Variants in TRIT1 observed in about 807,000 individuals in gnomAD.
TRIT1 encodes the protein tRNA isopentenyltransferase 1.
TRIT1 carries 43 observed loss-of-function variants against 51.2 expected under a neutral mutation model. The ratio of observed to expected loss-of-function variants is 0.84; its 90% CI spans 0.66 to 1.08. TRIT1 has a LOEUF of 1.08. Ranked by LOEUF, TRIT1 falls within the 50% of genes least tolerant of loss-of-function variation. The pLI, the probability that TRIT1 is intolerant of heterozygous loss-of-function variation, is 0.00. For missense variants in TRIT1, 528 were observed against 578.4 expected, an observed-to-expected ratio of 0.91 and a Z score of 0.89; for synonymous variants, 184 against 203.9, an observed-to-expected ratio of 0.90 and a Z score of 0.83.
Position 39,844,116 on chromosome 1 carries a change from C to T in TRIT1, c.1219G>A (p.Asp407Asn). 3 of 1,613,794 alleles carry T rather than the reference C, an allele frequency of 1.9e-6. No homozygotes were observed. Among genetic ancestry groups the T allele is most frequent in the Non-Finnish European group, 2.5e-6 (3 of 1,179,698 alleles). Residue 407 changes from aspartate to asparagine, a missense_variant, in exon 10 of 11, where the codon GAT (aspartate) becomes AAT (asparagine). This residue lies in a region of TRIT1 where 468 missense variants were observed against 522.6 expected (regional missense o/e 0.90). Coordinates refer to ENST00000316891, the MANE Select transcript of TRIT1 (RefSeq NM_017646.6). The part of the protein sequence containing the change: ...CDLCDRIIIG[D>N]REWAAHIKSK... The stretch of plus-strand genomic sequence containing the variant: ...CATACTCTACCTGCCCATTCGCGAT[C>T]CCCAATGATGATTCGATCACAGAGG...
intron 8 of TRIT1, among the ~76,000 whole-genome samples, chr1:39,845,326 C>G (rs1176670849): frequency 6.6e-6 from 1 of 152,230 alleles, no homozygotes; most frequent in Non-Finnish European, 1.5e-5. Flanking sequence ...TTTCACCCAC[C>G]TGAGCCAACC....
At chr1:39,873,299 T>A (rs1643939161) in intron 1 of TRIT1, among the ~76,000 whole-genome samples, 2 of 152,240 alleles carry the variant, frequency 1.3e-5, no homozygotes, top group Middle Eastern at 3.2e-3. Context: ...TACTTTGATA[T>A]GATCCAATGA....
chr1:39,845,830 G>A (rs932616823), intron 8 of TRIT1, among the ~76,000 whole-genome samples: 4 of 152,112 alleles, frequency 2.6e-5, no homozygotes, highest in Admixed American at 6.5e-5. Flanking sequence ...GGCCAATCAC[G>A]CACAGCTCCT....
At chr1:39,844,259 G>T (rs1393972275) in intron 9 of TRIT1, 41 bp from the exon 10 acceptor site, 1 of 1,473,760 alleles carries the variant, frequency 6.8e-7, no homozygotes, top group African/African-American at 1.4e-5. Context: ...AATTCAAAGA[G>T]ATCTGGATAT....
chr1:39,867,961 T>A (rs971540510), intron 1 of TRIT1, among the ~76,000 whole-genome samples: 1 of 151,988 alleles, frequency 6.6e-6, no homozygotes, highest in Non-Finnish European at 1.5e-5. Flanking sequence ...TTTTTTTTTT[T>A]CGAGATGGAG....
At chr1:39,862,756 G>T (rs934730612) in intron 1 of TRIT1, 69 of 984,534 alleles carry the variant, frequency 7.0e-5, no homozygotes, top group Non-Finnish European at 8.3e-5. Flanking sequence ...ACATTCACAT[G>T]TGAGATTTGT....
intron 4 of TRIT1, among the ~76,000 whole-genome samples, chr1:39,851,331 T>TG (rs1642556570): frequency 6.6e-6 from 1 of 152,156 alleles, no homozygotes; most frequent in African/African-American, 2.4e-5. Context: ...AACTCATTAC[T>TG]CGTTTAGACG....
intron 1 of TRIT1, among the ~76,000 whole-genome samples, chr1:39,861,341 C>A (rs1643233036): frequency 6.6e-6 from 1 of 152,028 alleles, no homozygotes; most frequent in South Asian, 2.1e-4. Context: ...CATAACGAGA[C>A]CCGATCTCTA....
chr1:39,851,771 C>T (rs1285040116), intron 4 of TRIT1, among the ~76,000 whole-genome samples: 1 of 151,134 alleles, frequency 6.6e-6, no homozygotes, highest in Non-Finnish European at 1.5e-5. Context: ...AGCAAAACAT[C>T]TCTAAAAAAA....
Position 39,852,788 on chromosome 1 carries a change from TG to T in TRIT1, c.502del (p.Gln168ArgfsTer52). On this transcript the variant is annotated frameshift_variant, in exon 4 of 11. Coordinates refer to ENST00000316891, the MANE Select transcript of TRIT1 (RefSeq NM_017646.6). LOFTEE classifies it high-confidence loss of function. ...CTTGGCAGCCATTTCTGGGTCCACC[TG>T]GCTTAGGCGTTTGTGAAGTACAAGA... Reference protein sequence around the residue: ...DGLVLHKRLSQVDPEMAAKLH... With the variant: ...DGLVLHKRLSXVDPEMAAKLH... 2 of 1,614,218 alleles carry T rather than the reference TG, an allele frequency of 1.2e-6. No homozygotes were observed. Among genetic ancestry groups the T allele is most frequent in the East Asian group, 4.5e-5 (2 of 44,894 alleles).
chr1:39,856,027 C>T (rs1245300977), intron 2 of TRIT1, among the ~76,000 whole-genome samples: 2 of 151,968 alleles, frequency 1.3e-5, no homozygotes, highest in Non-Finnish European at 2.9e-5. Context: ...AATAAAATAG[C>T]CGGGCATGGT....
rs779420318 is a variant in TRIT1, at chr1:39,847,591, C to G, written c.885G>C (p.Glu295Asp). ...TACTAGTCTCCAGTGTGCATTTTCC[C>G]TCAGTGATCAGGTACTCGTGAAATT... ...FKEFHEYLIT[E>D]GKCTLETSNQ... Residue 295 changes from glutamate (E) to aspartate (D), a missense_variant, in exon 7 of 11, where the codon GAG becomes GAC. Glu to Asp is a conservative substitution (Grantham distance 45). Coordinates refer to ENST00000316891, the MANE Select transcript of TRIT1 (RefSeq NM_017646.6). 3 of 1,614,182 alleles carry G rather than the reference C, an allele frequency of 1.9e-6. No homozygotes were observed. The South Asian group carries it at 3.3e-5, about 18-fold the overall frequency.
chr1:39,844,149 G>A lies in TRIT1; in HGVS notation c.1186C>T (p.Leu396=). 1.2e-6 allele frequency: 2 copies of A among 1,614,172 alleles called. No homozygotes were observed. Among genetic ancestry groups the A allele is most frequent in the Non-Finnish European group, 1.7e-6 (2 of 1,180,006 alleles). Residue 396 remains leucine (L), a synonymous_variant, in exon 10 of 11, where the codon CTG becomes TTG. Coordinates refer to ENST00000316891, the MANE Select transcript of TRIT1 (RefSeq NM_017646.6). The part of the protein sequence containing the change: ...NEAENKRSYH[L]CDLCDRIIIG... ...ATGATTCGATCACAGAGGTCACACA[G>A]GTGATAACTTCTCTTGTTCTCAGCT...
intron 10 of TRIT1, among the ~76,000 whole-genome samples, 199 bp downstream of exon 10, chr1:39,843,902 G>C (rs1569959319): frequency 6.6e-6 from 1 of 152,210 alleles, no homozygotes; most frequent in Non-Finnish European, 1.5e-5. Context: ...GAGAGCATCT[G>C]ATCTTCCTCT....
intron 1 of TRIT1, among the ~76,000 whole-genome samples, chr1:39,881,368 T>G (rs1366700451): frequency 6.6e-6 from 1 of 152,178 alleles, no homozygotes; most frequent in Non-Finnish European, 1.5e-5. Flanking sequence ...TCTACTATTA[T>G]ACCATTCTTG....
At chr1:39,848,907 G>T (rs1002694175) in intron 5 of TRIT1, among the ~76,000 whole-genome samples, 2 of 151,604 alleles carry the variant, frequency 1.3e-5, no homozygotes, top group African/African-American at 4.9e-5. Flanking sequence ...TAATTGTTCA[G>T]ATGTGACAAA....
intron 1 of TRIT1, among the ~76,000 whole-genome samples, chr1:39,868,315 A>T (rs1032278768): frequency 6.6e-6 from 1 of 152,208 alleles, no homozygotes; most frequent in Non-Finnish European, 1.5e-5. Flanking sequence ...TGCGAATAAC[A>T]TATCTGATAA....
At chr1:39,864,732 C>T (rs2124643619) in intron 1 of TRIT1, among the ~76,000 whole-genome samples, 1 of 152,222 alleles carries the variant, frequency 6.6e-6, no homozygotes, top group African/African-American at 2.4e-5. Flanking sequence ...AGATCCCATC[C>T]TTTTAAGGCT....
intron 1 of TRIT1, among the ~76,000 whole-genome samples, chr1:39,867,630 C>T (rs7532169): frequency 0.18 from 27,724 of 152,170 alleles, 2,666 homozygotes; most frequent in Non-Finnish European, 0.22. Flanking sequence ...CGACACAGAG[C>T]TTCTGCAGTG....
Sources: allele counts gnomAD v4.1 joint callset (sites outside exome capture counted in the v4.1 genomes callset), GRCh38; gene constraint gnomAD v4.1.1; regional missense constraint gnomAD v4.1.1; transcripts MANE v1.5; gene names NCBI Gene and HGNC (gene_info 2026-07-23, HGNC 2026-07-21).